The following CDH7 variants were observed in gnomAD, a reference collection of about 807,000 sequenced individuals.
The protein encoded by CDH7 is cadherin-7.
Under a neutral mutation model 71.8 loss-of-function variants are expected in CDH7, and 25 were observed. That is an observed-to-expected ratio of 0.35 (90% CI 0.25 to 0.49). The LOEUF (loss-of-function observed/expected upper bound fraction) is 0.49. Ranked by LOEUF, CDH7 falls within the 20% of genes least tolerant of loss-of-function variation. The pLI, the probability that CDH7 is intolerant of heterozygous loss-of-function variation, is 0.99. For synonymous variants in CDH7, 381 were observed against 363.8 expected, an observed-to-expected ratio of 1.05 and a Z score of -0.54; for missense variants, 862 against 974.6, an observed-to-expected ratio of 0.88 and a Z score of 1.54.
intron 2 of CDH7, chr18:65,803,250 A>G (rs1316651140): frequency 6.6e-6 from 1 of 152,124 alleles, no homozygotes; most frequent in Non-Finnish European, 1.5e-5. Context: ...CTCTGCCTCT[A>G]AGAAAATGGA....
intron 2 of CDH7, among the ~76,000 whole-genome samples, chr18:65,782,103 CTTCCTTCTTTCTTTCTTTCT>C (rs1358496111): frequency 3.2e-5 from 1 of 31,012 alleles, no homozygotes; most frequent in South Asian, 1.2e-3. Context: ...TCCTTCCTTC[CTTCCTTCTTTCTTTCTTTCT>C]TTCTTTCTTT....
At chr18:65,752,841 A>G (rs1215633874) in intron 1 of CDH7, among the ~76,000 whole-genome samples, 3 of 152,224 alleles carry the variant, frequency 2.0e-5, no homozygotes, top group Non-Finnish European at 4.4e-5. Flanking sequence ...GCTAAAAGCT[A>G]TTAAGGTTTG....
chr18:65,835,718 A>G (rs1214473706), intron 6 of CDH7, among the ~76,000 whole-genome samples: 1 of 152,192 alleles, frequency 6.6e-6, no homozygotes, highest in Non-Finnish European at 1.5e-5. Flanking sequence ...CTGGGCAGAA[A>G]TGCAGTCCTT....
rs980699761 is a variant in CDH7, at chr18:65,885,822, A to G, written c.*4928A>G. 1.3e-5 allele frequency: 2 copies of G among 152,210 alleles called. No individual in the cohort carries two copies. Among genetic ancestry groups the G allele is most frequent in the African/African-American group, 4.8e-5 (2 of 41,462 alleles). 9.4% of individuals were successfully genotyped at this position (152,210 alleles called of 1,614,324 possible). On this transcript the variant is annotated 3_prime_UTR_variant, in exon 12 of 12. Transcript: ENST00000397968. ...ATAAGACTAGAAAATATGGTACCGA[A>G]TGAAAGGAGAAATATCTTATTTGCT...
At chr18:65,834,410 C>A (rs1484694) in intron 6 of CDH7, among the ~76,000 whole-genome samples, 139,115 of 152,204 alleles carry the variant, frequency 0.91, 64,320 homozygotes, top group East Asian at 1. Context: ...CCATTGATAA[C>A]ATCCATGGAG....
chr18:65,793,165 C>A (rs1017246990), intron 2 of CDH7, among the ~76,000 whole-genome samples: 4 of 152,050 alleles, frequency 2.6e-5, no homozygotes, highest in African/African-American at 4.8e-5. Context: ...TGAGGCCAGG[C>A]GCAGAGGCTC....
At chr18:65,781,878 CTGT>C (rs1910247541) in intron 2 of CDH7, among the ~76,000 whole-genome samples, 1 of 102,648 alleles carries the variant, frequency 9.7e-6, no homozygotes, top group Non-Finnish European at 1.8e-5. Flanking sequence ...CTCTCTCTCT[CTGT>C]CTCTCTCTCT....
chr18:65,822,071 A>C lies in CDH7; in HGVS notation c.626-10A>C, dbSNP rs537845668. ...CATGATGAGTTTTACTGGGATTTGA[A>C]ATTTTACAGGAGTCATCAAGACTGC... On this transcript the variant is annotated splice_polypyrimidine_tract_variant and intron_variant, in intron 4 of 11. Coordinates refer to ENST00000397968, the MANE Select transcript of CDH7 (RefSeq NM_004361.5). 4.7e-5 allele frequency: 75 copies of C among 1,609,164 alleles called. No individual in the cohort carries two copies. In the East Asian group the frequency reaches 1.6e-3, roughly 35 times the overall value.
Position 65,809,835 on chromosome 18 carries a change from G to A in CDH7, c.342G>A (p.Glu114=), listed in dbSNP as rs563642396. 7 of 1,613,958 alleles carry A rather than the reference G, an allele frequency of 4.3e-6. No individual in the cohort carries two copies. The highest frequency in any genetic ancestry group is 4.0e-5 in the African/African-American group (3 of 74,972). ...IHATKRLDRE[E]QAYYTLRAQA... ...CCACCAAGAGACTGGATCGTGAGGAGCAGGCCTACTACACGCTCCGAGCTC... is the reference window on the plus strand; with the variant it reads ...CCACCAAGAGACTGGATCGTGAGGAACAGGCCTACTACACGCTCCGAGCTC... Residue 114 remains glutamate, a synonymous_variant, in exon 3 of 12, where the codon GAG becomes GAA. Transcript: ENST00000397968.
At chr18:65,771,129 A>C (rs1186649200) in intron 2 of CDH7, among the ~76,000 whole-genome samples, 1 of 152,124 alleles carries the variant, frequency 6.6e-6, no homozygotes, top group African/African-American at 2.4e-5. Context: ...ATTTAACCTT[A>C]GTTTACTTGC....
chr18:65,823,562 C>A (rs548208054), intron 5 of CDH7, among the ~76,000 whole-genome samples: 17 of 151,750 alleles, frequency 1.1e-4, no homozygotes, highest in Non-Finnish European at 1.6e-4. Flanking sequence ...ACTAGTTTAA[C>A]CCTGACATTT....
intron 4 of CDH7, among the ~76,000 whole-genome samples, chr18:65,818,880 G>GCT (rs1911816211): frequency 6.6e-6 from 1 of 152,140 alleles, no homozygotes; most frequent in Non-Finnish European, 1.5e-5. Context: ...TTTCAACAGT[G>GCT]CTCTCTTCAT....
At chr18:65,792,377 C>A (rs1013083338) in intron 2 of CDH7, among the ~76,000 whole-genome samples, 1 of 151,996 alleles carries the variant, frequency 6.6e-6, no homozygotes, top group African/African-American at 2.4e-5. Context: ...AAGAATCAAA[C>A]AAGTAAACCT....
intron 6 of CDH7, among the ~76,000 whole-genome samples, chr18:65,838,594 A>T (rs542546289): frequency 2.0e-5 from 3 of 152,348 alleles, no homozygotes; most frequent in African/African-American, 7.2e-5. Flanking sequence ...TTCCTGAAAC[A>T]TTAACAACAT....
chr18:65,809,795 C>G lies in CDH7; in HGVS notation c.302C>G (p.Thr101Ser), dbSNP rs1265934898. 3 of 1,613,830 alleles carry G rather than the reference C, an allele frequency of 1.9e-6. No individual in the cohort carries two copies. In the African/African-American group the frequency reaches 4.0e-5, roughly 22 times the overall value. The change falls in exon 3 of 12, where the codon ACT (threonine) becomes AGT (serine). Residue 101 changes from threonine (T) to serine (S), a missense_variant. Coordinates refer to ENST00000397968, the MANE Select transcript of CDH7 (RefSeq NM_004361.5). ...TCCATTTTCATTATTGATGAGAACA[C>G]TGGGGATATTCATGCCACCAAGAGA... is the stretch of plus-strand genomic sequence containing the variant. ...ASSIFIIDEN[T>S]GDIHATKRLD...
intron 7 of CDH7, among the ~76,000 whole-genome samples, chr18:65,854,302 T>TTAAATAAA (rs148091895): frequency 1.8e-4 from 27 of 150,892 alleles, no homozygotes; most frequent in Admixed American, 7.3e-4. Flanking sequence ...TAGACTTTGT[T>TTAAATAAA]TAAATAAATA....
chr18:65,864,889 TAAAAAAA>T (rs1191269381), intron 11 of CDH7, among the ~76,000 whole-genome samples: 9 of 85,934 alleles, frequency 1.0e-4, no homozygotes, highest in African/African-American at 3.7e-4. Context: ...AGACTCCATC[TAAAAAAA>T]AAAAAAAAAA....
At chr18:65,815,188 T>G (rs749072136) in intron 4 of CDH7, among the ~76,000 whole-genome samples, 2 of 152,198 alleles carry the variant, frequency 1.3e-5, no homozygotes, top group African/African-American at 4.8e-5. Flanking sequence ...TTTGCTTTTA[T>G]GTAAGCTGAA....
intron 2 of CDH7, among the ~76,000 whole-genome samples, chr18:65,776,931 C>A (rs1360421410): frequency 6.6e-6 from 1 of 152,092 alleles, no homozygotes; most frequent in African/African-American, 2.4e-5. Context: ...TATAAACAGG[C>A]ATTTTTATAC....
Sources: allele counts gnomAD v4.1 joint callset (sites outside exome capture counted in the v4.1 genomes callset), GRCh38; gene constraint gnomAD v4.1.1; transcripts MANE v1.5; gene names NCBI Gene and HGNC (gene_info 2026-07-23, HGNC 2026-07-21).